GALNTL6: variants seen among roughly 807,000 people sequenced by gnomAD.
GALNTL6 encodes polypeptide N-acetylgalactosaminyltransferase-like 6.
A neutral mutation model predicts 73.7 loss-of-function variants in GALNTL6; 46 were observed. That is an observed-to-expected ratio of 0.62 (90% CI 0.49 to 0.80). GALNTL6 has a LOEUF of 0.80. Among genes scored for constraint, GALNTL6 ranks in the 30% least tolerant of loss-of-function variants. GALNTL6 has a pLI of 0.00. For synonymous variants in GALNTL6, 259 were observed against 263.7 expected (o/e 0.98, Z 0.17); for missense variants, 604 against 755.0 (o/e 0.80, Z 2.34).
intron 5 of GALNTL6, among the ~76,000 whole-genome samples, chr4:172,560,990 A>G (rs994150476): frequency 6.1e-4 from 92 of 151,904 alleles, no homozygotes; most frequent in African/African-American, 1.8e-3. Context: ...GCGGTGGCTC[A>G]CGCCTGTAAT....
intron 2 of GALNTL6, among the ~76,000 whole-genome samples, chr4:171,912,509 T>C (rs571056436): frequency 2.6e-5 from 4 of 152,348 alleles, no homozygotes; most frequent in African/African-American, 9.6e-5. Context: ...TCAGGGTAAC[T>C]GGGATATGCA....
intron 10 of GALNTL6, among the ~76,000 whole-genome samples, chr4:172,998,079 G>C (rs1169070360): frequency 6.6e-6 from 1 of 152,196 alleles, no homozygotes; most frequent in Non-Finnish European, 1.5e-5. Flanking sequence ...GGGCAAGAGA[G>C]AGATGCCAAA....
At chr4:172,822,237 T>A (rs1741973195) in intron 7 of GALNTL6, among the ~76,000 whole-genome samples, 3 of 152,188 alleles carry the variant, frequency 2.0e-5, no homozygotes, top group African/African-American at 7.2e-5. Context: ...GATCTCTGGG[T>A]TCCTGGGATA....
At chr4:172,481,058 T>C (rs1579112370) in intron 5 of GALNTL6, among the ~76,000 whole-genome samples, 2 of 152,150 alleles carry the variant, frequency 1.3e-5, no homozygotes, top group East Asian at 3.9e-4. Flanking sequence ...ACTATCGCGG[T>C]GAGTGTTACA....
At chr4:171,934,950 A>G (rs1738297115) in intron 2 of GALNTL6, among the ~76,000 whole-genome samples, 1 of 152,076 alleles carries the variant, frequency 6.6e-6, no homozygotes, top group Admixed American at 6.6e-5. Flanking sequence ...CAAGAATGTC[A>G]TATTCCAATG....
At chr4:173,030,588 G>T (rs1579803939) in intron 12 of GALNTL6, among the ~76,000 whole-genome samples, 1 of 152,050 alleles carries the variant, frequency 6.6e-6, no homozygotes, top group East Asian at 1.9e-4. Context: ...AGTGTTTGTT[G>T]ATCAGGACAA....
chr4:172,353,933 T>A (rs1046786496), intron 5 of GALNTL6, among the ~76,000 whole-genome samples: 3 of 152,158 alleles, frequency 2.0e-5, no homozygotes, highest in African/African-American at 4.8e-5. Flanking sequence ...TTTACACAAA[T>A]AGTCTCCAAG....
intron 5 of GALNTL6, among the ~76,000 whole-genome samples, chr4:172,618,802 C>A (rs1738842315): frequency 6.6e-6 from 1 of 152,140 alleles, no homozygotes; most frequent in East Asian, 1.9e-4. Flanking sequence ...CGGTTCACTG[C>A]AATCTCTGCC....
chr4:172,465,368 T>C (rs1307147027), intron 5 of GALNTL6, among the ~76,000 whole-genome samples: 1 of 151,768 alleles, frequency 6.6e-6, no homozygotes, highest in African/African-American at 2.4e-5. Context: ...TCCCAGCTAC[T>C]CGGGAGGCTG....
At chr4:172,239,926 C>T (rs1213352317) in intron 3 of GALNTL6, among the ~76,000 whole-genome samples, 1 of 152,182 alleles carries the variant, frequency 6.6e-6, no homozygotes, top group East Asian at 1.9e-4. Flanking sequence ...GCTGAAAGGT[C>T]TGCTTTTAGC....
At chr4:172,016,103 C>T (rs34783501) in intron 2 of GALNTL6, among the ~76,000 whole-genome samples, 18,489 of 151,448 alleles carry the variant, frequency 0.12, 2,848 homozygotes, top group African/African-American at 0.36. Flanking sequence ...ATTTGCATGT[C>T]TAGATCTCTA....
At chr4:172,577,152 G>C (rs1459732369) in intron 5 of GALNTL6, among the ~76,000 whole-genome samples, 1 of 152,132 alleles carries the variant, frequency 6.6e-6, no homozygotes, top group African/African-American at 2.4e-5. Flanking sequence ...ATTCTCCTGG[G>C]TGACCTTAAA....
At chr4:172,951,359 C>A (rs1001488743) in intron 9 of GALNTL6, among the ~76,000 whole-genome samples, 1 of 152,224 alleles carries the variant, frequency 6.6e-6, no homozygotes, top group South Asian at 2.1e-4. Flanking sequence ...AATCCATACA[C>A]TCTCCTACAC....
intron 2 of GALNTL6, among the ~76,000 whole-genome samples, chr4:172,120,747 C>T (rs1370492776): frequency 6.6e-6 from 1 of 152,028 alleles, no homozygotes; most frequent in East Asian, 1.9e-4. Context: ...ACTTTCCTGT[C>T]AGAGTTGCCA....
intron 2 of GALNTL6, among the ~76,000 whole-genome samples, chr4:171,852,222 CATTTTTATTTGACTT>C (rs1735542194): frequency 6.6e-6 from 1 of 152,088 alleles, no homozygotes; most frequent in Non-Finnish European, 1.5e-5. Flanking sequence ...TTCTGTGCTC[CATTTTTATTTGACTT>C]ATTTTATCAC....
At chr4:172,702,969 A>T (rs1177483560) in intron 5 of GALNTL6, among the ~76,000 whole-genome samples, 1 of 151,854 alleles carries the variant, frequency 6.6e-6, no homozygotes, top group East Asian at 1.9e-4. Flanking sequence ...TTTTATGTAT[A>T]GTTTTTTTGG....
chr4:172,602,181 A>C (rs1738083248), intron 5 of GALNTL6, among the ~76,000 whole-genome samples: 1 of 152,176 alleles, frequency 6.6e-6, no homozygotes, highest in South Asian at 2.1e-4. Context: ...AGTGTTCATC[A>C]CTAGCATTTC....
At chr4:172,621,483 T>C (rs570960203) in intron 5 of GALNTL6, among the ~76,000 whole-genome samples, 71 of 152,338 alleles carry the variant, frequency 4.7e-4, no homozygotes, top group African/African-American at 1.7e-3. Context: ...CCTAATTCTG[T>C]TATCAACAAT....
chr4:172,171,585 T>C (rs1358427682), intron 2 of GALNTL6, among the ~76,000 whole-genome samples: 1 of 151,622 alleles, frequency 6.6e-6, no homozygotes, highest in East Asian at 1.9e-4. Flanking sequence ...TCCCAGCACT[T>C]TGGGAGGCTG....
Sources: allele counts gnomAD v4.1 joint callset (sites outside exome capture counted in the v4.1 genomes callset), GRCh38; gene constraint gnomAD v4.1.1; transcripts MANE v1.5; gene names NCBI Gene and HGNC (gene_info 2026-07-23, HGNC 2026-07-21).